Variants in OR2C1 observed in about 807,000 individuals in gnomAD.
OR2C1 encodes olfactory receptor 2C1.
For missense variants in OR2C1, 468 were observed against 388.3 expected (o/e 1.21, Z -1.73); for synonymous variants, 209 against 167.3 (o/e 1.25, Z -1.92).
chr16:3,339,282 T>A, the OR2C1 span, among the ~76,000 whole-genome samples: 2 of 152,118 alleles, frequency 1.3e-5, no homozygotes, highest in Non-Finnish European at 2.9e-5. Flanking sequence ...TAGTTTTTTT[T>A]TTTTTTTCAT....
At chr16:3,329,080 C>T in the OR2C1 span, among the ~76,000 whole-genome samples, 1 of 149,974 alleles carries the variant, frequency 6.7e-6, no homozygotes, top group Non-Finnish European at 1.5e-5. Context: ...CTGACGGAGC[C>T]AAAGGATACA....
the OR2C1 span, chr16:3,323,841 T>C: frequency 1.6e-5 from 20 of 1,289,864 alleles, no homozygotes; most frequent in Non-Finnish European, 1.7e-5. Context: ...TTTGTCTGAG[T>C]GGCTTTGAGG....
the OR2C1 span, among the ~76,000 whole-genome samples, chr16:3,324,273 C>T: frequency 2.6e-5 from 4 of 152,088 alleles, no homozygotes; most frequent in Non-Finnish European, 4.4e-5. Flanking sequence ...CTCACTGCAA[C>T]CTCCTCCCCA....
At chr16:3,350,706 G>A in the OR2C1 span, among the ~76,000 whole-genome samples, 1 of 151,640 alleles carries the variant, frequency 6.6e-6, no homozygotes, top group Non-Finnish European at 1.5e-5. Context: ...CCACGTGCCC[G>A]GCCCCAAAGG....
At chr16:3,331,643 G>A in the OR2C1 span, among the ~76,000 whole-genome samples, 1 of 151,962 alleles carries the variant, frequency 6.6e-6, no homozygotes, top group Non-Finnish European at 1.5e-5. Flanking sequence ...ATTAAATAGA[G>A]AATCCTTTCC....
the OR2C1 span, among the ~76,000 whole-genome samples, chr16:3,344,797 T>C: frequency 6.6e-6 from 1 of 152,068 alleles, no homozygotes; most frequent in African/African-American, 2.4e-5. Context: ...CCTCCCTCTA[T>C]AGCTGGTGGG....
chr16:3,355,037 T>A (rs1025613641), upstream of OR2C1, among the ~76,000 whole-genome samples: 1 of 152,128 alleles, frequency 6.6e-6, no homozygotes, highest in Non-Finnish European at 1.5e-5. Flanking sequence ...GGCTCTTCAG[T>A]TCTTGGGGTC....
chr16:3,344,267 C>G, the OR2C1 span, among the ~76,000 whole-genome samples: 1 of 151,662 alleles, frequency 6.6e-6, no homozygotes, highest in East Asian at 1.9e-4. Context: ...ACAAGAAAAA[C>G]AGAAAAATGA....
chr16:3,347,437 T>C, the OR2C1 span, among the ~76,000 whole-genome samples: 1 of 151,722 alleles, frequency 6.6e-6, no homozygotes, highest in South Asian at 2.1e-4. Flanking sequence ...AATGCAGGTT[T>C]ACTGTGAGAT....
chr16:3,331,956 CT>C, the OR2C1 span, among the ~76,000 whole-genome samples: 1 of 151,724 alleles, frequency 6.6e-6, no homozygotes, highest in East Asian at 1.9e-4. Flanking sequence ...AATCATCATT[CT>C]CATTAAACTA....
the OR2C1 span, among the ~76,000 whole-genome samples, chr16:3,343,215 T>G: frequency 1.2e-4 from 18 of 152,172 alleles, no homozygotes; most frequent in Non-Finnish European, 2.1e-4. Context: ...AATATACCTA[T>G]GCACATACAC....
At chr16:3,351,091 A>G (rs1311409910), upstream of OR2C1, among the ~76,000 whole-genome samples, 1 of 151,812 alleles carries the variant, frequency 6.6e-6, no homozygotes, top group Non-Finnish European at 1.5e-5. Flanking sequence ...AGGCAGGCAA[A>G]TCTCTAAGCA....
At position 3,356,775 on chromosome 16, in the gene OR2C1, T is replaced by C. The variant is rs1281783423; in HGVS notation, c.835T>C (p.Ser279Pro). The change falls in exon 1 of 1, where the codon TCG becomes CCG. Residue 279 changes from serine (S) to proline (P), a missense_variant. Transcript: ENST00000304936. ...GGGCAAGTTCATTTCCCTGTTCTAC[T>C]CGTTGGTCACACCCATGGTGAATCC... ...DQGKFISLFY[S>P]LVTPMVNPLI... 2 of 1,614,078 alleles carry C rather than the reference T, an allele frequency of 1.2e-6. No homozygotes were observed. The highest frequency in any genetic ancestry group is 2.2e-5 in the East Asian group (1 of 44,898).
chr16:3,341,955 G>A, the OR2C1 span, among the ~76,000 whole-genome samples: 1 of 152,134 alleles, frequency 6.6e-6, no homozygotes, highest in Admixed American at 6.6e-5. Context: ...ATTTATCCTA[G>A]AGGAATAAAA....
the OR2C1 span, among the ~76,000 whole-genome samples, chr16:3,348,408 G>C: frequency 6.6e-6 from 1 of 152,166 alleles, no homozygotes; most frequent in African/African-American, 2.4e-5. Flanking sequence ...TTCAGTGGCT[G>C]TGCAGTTTAC....
At chr16:3,345,499 A>G in the OR2C1 span, among the ~76,000 whole-genome samples, 1 of 151,538 alleles carries the variant, frequency 6.6e-6, no homozygotes, top group Non-Finnish European at 1.5e-5. Context: ...AAAAAAAAAA[A>G]GTAAGAAATA....
the OR2C1 span, among the ~76,000 whole-genome samples, chr16:3,334,417 T>G: frequency 1.3e-5 from 2 of 151,586 alleles, no homozygotes; most frequent in Non-Finnish European, 1.5e-5. Flanking sequence ...ATTACAGACT[T>G]GAGTCACCTC....
chr16:3,333,150 A>G, the OR2C1 span, among the ~76,000 whole-genome samples: 5 of 142,914 alleles, frequency 3.5e-5, no homozygotes, highest in Non-Finnish European at 7.5e-5. Flanking sequence ...ACATTTTTTC[A>G]TATGCCTGTA....
At chr16:3,324,544 T>C in the OR2C1 span, among the ~76,000 whole-genome samples, 2 of 152,224 alleles carry the variant, frequency 1.3e-5, no homozygotes, top group East Asian at 1.9e-4. Flanking sequence ...CTCTACTGAA[T>C]TGACCAAGCA....
Sources: allele counts gnomAD v4.1 joint callset (sites outside exome capture counted in the v4.1 genomes callset), GRCh38; gene constraint gnomAD v4.1.1; transcripts MANE v1.5; gene names NCBI Gene and HGNC (gene_info 2026-07-23, HGNC 2026-07-21).